Variants in MALRD1 observed in about 807,000 individuals in gnomAD.
The protein encoded by MALRD1 is MAM and LDL-receptor class A domain-containing protein 1.
Under a neutral mutation model 242.1 loss-of-function variants are expected in MALRD1, and 247 were observed. That is an observed-to-expected ratio of 1.02 (90% CI 0.92 to 1.13). MALRD1 has a LOEUF of 1.13. Ranked by LOEUF, MALRD1 falls within the 50% of genes most tolerant of loss-of-function variation. MALRD1 has a pLI of 0.00. For synonymous variants in MALRD1, 995 were observed against 866.6 expected (o/e 1.15, Z -2.60); for missense variants, 2,989 against 2,533.1 (o/e 1.18, Z -3.86).
intron 18 of MALRD1, among the ~76,000 whole-genome samples, chr10:19,223,961 G>C (rs969797123): frequency 2.0e-5 from 3 of 152,138 alleles, no homozygotes; most frequent in Admixed American, 6.5e-5. Flanking sequence ...ATGGGCATTT[G>C]GGTTGGTTCC....
rs754881326 is a variant in MALRD1, at chr10:19,389,484, G to A, written c.4720G>A (p.Gly1574Ser). ...HFMYLEATAVGLRGDKAHFRS... is the reference protein window; with the variant it reads ...HFMYLEATAVSLRGDKAHFRS... ...CATGTATCTGGAAGCTACTGCAGTG[G>A]GCCTTCGGGGTGACAAAGCACACTT... The change falls in exon 28 of 40, where the codon GGC becomes AGC. Residue 1574 changes from glycine (G) to serine (S), a missense_variant. Physicochemically the swap from Gly to Ser is moderately conservative, Grantham distance 56 (BLOSUM62 0). Transcript: ENST00000454679. 1.9e-6 allele frequency: 3 copies of A among 1,550,526 alleles called. No homozygotes were observed. In the East Asian group the frequency reaches 7.3e-5, roughly 38 times the overall value.
At chr10:19,351,823 A>G (rs1844388569) in intron 25 of MALRD1, among the ~76,000 whole-genome samples, 183 bp from the exon 26 acceptor site, 2 of 152,188 alleles carry the variant, frequency 1.3e-5, no homozygotes, top group Non-Finnish European at 2.9e-5. Flanking sequence ...ATTGCAACAT[A>G]TGACTCAAGG....
chr10:19,357,220 G>A (rs951246106), intron 26 of MALRD1, among the ~76,000 whole-genome samples: 1 of 151,976 alleles, frequency 6.6e-6, no homozygotes, highest in Non-Finnish European at 1.5e-5. Flanking sequence ...CCTCTTATTA[G>A]CTATTTTTAC....
chr10:19,369,402 G>GCA (rs35235481), intron 26 of MALRD1, among the ~76,000 whole-genome samples: 114,829 of 146,628 alleles, frequency 0.78, 45,510 homozygotes, highest in African/African-American at 0.9. Flanking sequence ...ATATATAAAT[G>GCA]CACACACACA....
At chr10:19,605,165 T>TA (rs202046781) in intron 34 of MALRD1, among the ~76,000 whole-genome samples, 3 of 34,314 alleles carry the variant, frequency 8.7e-5, no homozygotes, top group South Asian at 6.1e-4. Context: ...TTATTATTAT[T>TA]TTTTTTTTTT....
chr10:19,571,756 A>G (rs1836552448), intron 33 of MALRD1, among the ~76,000 whole-genome samples: 1 of 152,164 alleles, frequency 6.6e-6, no homozygotes, highest in Admixed American at 6.5e-5. Context: ...GAAAAAGTCT[A>G]TACCATTAAA....
At position 19,205,103 on chromosome 10, in the gene MALRD1, A is replaced by T. The variant is rs796383337; in HGVS notation, c.2416A>T (p.Ile806Phe). Reference protein sequence around the residue: ...SLGIYDGVSAIDDIRFENCTL... With the variant: ...SLGIYDGVSAFDDIRFENCTL... ...GGGCATTTATGATGGGGTCTCAGCT[A>T]TTGATGACATCCGATTTGAAAATTG... Residue 806 changes from isoleucine to phenylalanine, a missense_variant, in exon 17 of 40, where the codon ATT (isoleucine) becomes TTT (phenylalanine). By Grantham distance (21) the Ile-to-Phe change is conservative. Transcript: ENST00000454679. 3 of 1,550,538 alleles carry T rather than the reference A, an allele frequency of 1.9e-6. No homozygotes were observed. In the South Asian group the frequency reaches 3.6e-5, roughly 18 times the overall value.
chr10:19,674,003 C>T (rs1231009712), intron 36 of MALRD1, among the ~76,000 whole-genome samples: 3 of 151,712 alleles, frequency 2.0e-5, no homozygotes, highest in Non-Finnish European at 4.4e-5. Flanking sequence ...AGCATATGTC[C>T]GAAAGAGATG....
intron 21 of MALRD1, among the ~76,000 whole-genome samples, chr10:19,303,851 T>C (rs1316416412): frequency 6.6e-6 from 1 of 151,742 alleles, no homozygotes; most frequent in Non-Finnish European, 1.5e-5. Context: ...AATTTACATT[T>C]GAAAAAGTGG....
intron 4 of MALRD1, among the ~76,000 whole-genome samples, chr10:19,102,264 A>T (rs1329237146): frequency 6.6e-6 from 1 of 151,798 alleles, no homozygotes; most frequent in East Asian, 1.9e-4. Flanking sequence ...TCACTGTGTT[A>T]TACTGCCTTT....
At chr10:19,079,601 G>A (rs1007061643) in intron 2 of MALRD1, among the ~76,000 whole-genome samples, 1 of 151,852 alleles carries the variant, frequency 6.6e-6, no homozygotes, top group Admixed American at 6.6e-5. Flanking sequence ...AACTATTATT[G>A]TTAAATGGTC....
chr10:19,352,719 G>A (rs1038151331), intron 26 of MALRD1, among the ~76,000 whole-genome samples: 2 of 152,152 alleles, frequency 1.3e-5, no homozygotes, highest in Non-Finnish European at 2.9e-5. Flanking sequence ...TGGACCATGA[G>A]CATGCCAATT....
chr10:19,061,433 C>T (rs1834819443), intron 1 of MALRD1, among the ~76,000 whole-genome samples: 1 of 151,868 alleles, frequency 6.6e-6, no homozygotes, highest in African/African-American at 2.4e-5. Flanking sequence ...AAACTTTATC[C>T]TGAAATTCAT....
intron 18 of MALRD1, among the ~76,000 whole-genome samples, chr10:19,235,106 G>A (rs1838252901): frequency 6.6e-6 from 1 of 152,162 alleles, no homozygotes; most frequent in African/African-American, 2.4e-5. Flanking sequence ...ATGAATTAGT[G>A]CATTGACCTG....
At position 19,327,572 on chromosome 10, in the gene MALRD1, A is replaced by C; in HGVS notation, c.3586A>C (p.Lys1196Gln). The change falls in exon 23 of 40, where the codon AAG (lysine) becomes CAG (glutamine). Residue 1196 changes from lysine to glutamine, a missense_variant. Transcript: ENST00000454679. ...TGATTTATCTCTATAGGTGCTCATCAAGAAAGATAACGTTACTTCTAAATT... is the reference window on the plus strand; with the variant it reads ...TGATTTATCTCTATAGGTGCTCATCCAGAAAGATAACGTTACTTCTAAATT... ...ATVGSLQVLI[K>Q]KDNVTSKLWA... is the part of the protein sequence containing the mutation. 6.5e-7 allele frequency: 1 copy of C among 1,549,556 alleles called. No homozygotes were observed. The highest frequency in any genetic ancestry group is 8.7e-7 in the Non-Finnish European group (1 of 1,146,068).
intron 7 of MALRD1, 56 bp from the exon 8 acceptor site, chr10:19,128,165 A>G (rs891906886): frequency 1.5e-5 from 18 of 1,165,258 alleles, no homozygotes; most frequent in Admixed American, 8.5e-5. Flanking sequence ...AGTTTTAGTC[A>G]GACAGAAAGA....
chr10:19,732,426 C>A (rs967458537), intron 39 of MALRD1, among the ~76,000 whole-genome samples: 1 of 152,092 alleles, frequency 6.6e-6, no homozygotes, highest in African/African-American at 2.4e-5. Context: ...CCATGCCCAG[C>A]TAATTTTTGT....
chr10:19,175,043 T>C (rs555183906), intron 13 of MALRD1, among the ~76,000 whole-genome samples, 165 bp from the exon 14 acceptor site: 101 of 152,270 alleles, frequency 6.6e-4, no homozygotes, highest in African/African-American at 2.2e-3. Flanking sequence ...AAAGCAGTTA[T>C]GGTTTTATAA....
At chr10:19,460,420 C>T (rs777166283) in intron 29 of MALRD1, among the ~76,000 whole-genome samples, 5 of 149,178 alleles carry the variant, frequency 3.4e-5, no homozygotes, top group Admixed American at 2.0e-4. Flanking sequence ...CTTAATGGAA[C>T]GCACACACAA....
Sources: gnomAD v4.1 joint callset for allele counts (sites outside exome capture counted in the v4.1 genomes callset) on GRCh38, gnomAD v4.1.1 for gene constraint, MANE v1.5 for transcripts, NCBI Gene and HGNC (gene_info 2026-07-23, HGNC 2026-07-21) for gene names.